Variants in AP2A1 observed in about 807,000 individuals in gnomAD.
AP2A1 encodes adaptor related protein complex 2 subunit alpha 1.
In AP2A1, 21 loss-of-function variants were observed where a neutral mutation model predicts 107.3. That is an observed-to-expected ratio of 0.20 (90% CI 0.14 to 0.28). The LOEUF is 0.28. AP2A1 is among the 10% of genes least tolerant of loss of function. The pLI is 1.00. For synonymous variants in AP2A1, 602 were observed against 564.8 expected (o/e 1.07, Z -0.93); for missense variants, 873 against 1,307.7 (o/e 0.67, Z 5.13).
intron 7 of AP2A1, chr19:49,795,986 A>G: frequency 2.0e-6 from 1 of 510,424 alleles, no homozygotes; most frequent in African/African-American, 1.9e-5. Flanking sequence ...CCGGGCTCTC[A>G]CTCCAGCCCT....
chr19:49,804,646 G>A (rs2073337805), intron 18 of AP2A1: 1 of 152,240 alleles, frequency 6.6e-6, no homozygotes, highest in Admixed American at 6.5e-5. Context: ...TTCCCAGTGG[G>A]CTACTGACAC....
intron 6 of AP2A1, among the ~76,000 whole-genome samples, chr19:49,795,187 G>C (rs755076264): frequency 7.9e-5 from 12 of 152,200 alleles, no homozygotes; most frequent in Non-Finnish European, 1.6e-4. Context: ...CGAGTGAGGA[G>C]GGGGCCCTGG....
intron 4 of AP2A1, among the ~76,000 whole-genome samples, chr19:49,786,028 C>T (rs1217136737): frequency 1.3e-5 from 2 of 151,664 alleles, no homozygotes; most frequent in African/African-American, 4.9e-5. Flanking sequence ...TGCAGTGAGC[C>T]GAGATTGCAC....
intron 1 of AP2A1, among the ~76,000 whole-genome samples, chr19:49,771,226 GGGAGACTGAGGTA>G (rs1315447426): frequency 6.7e-6 from 1 of 150,156 alleles, no homozygotes; most frequent in African/African-American, 2.5e-5. Context: ...CCAGCTACTT[GGGAGACTGAGGTA>G]GGAGGATCAT....
chr19:49,800,911 G>C (rs1222861353), intron 11 of AP2A1, 50 bp from the exon 12 acceptor site: 2 of 1,498,726 alleles, frequency 1.3e-6, no homozygotes, highest in Admixed American at 4.2e-5. Context: ...ACCGATCCCG[G>C]AGAGGGCGCT....
intron 1 of AP2A1, among the ~76,000 whole-genome samples, chr19:49,767,445 A>T (rs2084514333): frequency 6.6e-6 from 1 of 151,064 alleles, no homozygotes; most frequent in African/African-American, 2.4e-5. Context: ...AAAGGGGAGG[A>T]AGCCAGTGAG....
intron 5 of AP2A1, among the ~76,000 whole-genome samples, chr19:49,792,346 C>T (rs1242698284): frequency 6.6e-6 from 1 of 150,382 alleles, no homozygotes; most frequent in Admixed American, 6.6e-5. Context: ...AGCCCTCACG[C>T]CCCCGGATAC....
Position 49,799,982 on chromosome 19 carries a change from C to T in AP2A1, c.1287C>T (p.Ala429=), listed in dbSNP as rs770288996. The change falls in exon 11 of 23, where the codon GCC becomes GCT. Residue 429 remains alanine, a synonymous_variant. Coordinates refer to ENST00000354293, the MANE Select transcript of AP2A1 (RefSeq NM_130787.3). ...AIREEIVLKV[A]ILAEKYAVDY... Reference sequence around the variant, plus strand: ...CCCGGCGGCAGGTCCTGAAGGTGGCCATCCTGGCCGAGAAGTACGCCGTGG... The same window carrying T: ...CCCGGCGGCAGGTCCTGAAGGTGGCTATCCTGGCCGAGAAGTACGCCGTGG... 6 of 1,613,564 alleles carry T rather than the reference C, an allele frequency of 3.7e-6. No homozygotes were observed. In the South Asian group the frequency reaches 5.5e-5, roughly 15 times the overall value.
At position 49,785,804 on chromosome 19, in the gene AP2A1, C is replaced by G. The variant is rs540978507; in HGVS notation, c.473+3080C>G. 6.6e-6 allele frequency among the ~76,000 whole-genome samples: 1 copy of G among 152,154 alleles called. No individual in the cohort carries two copies. The highest frequency in any genetic ancestry group is 2.1e-4 in the South Asian group (1 of 4,820). On this transcript the variant is annotated intron_variant, in intron 4 of 22. Transcript: ENST00000354293. The surrounding 1 kb of genome is among the most constrained non-coding windows in gnomAD (Gnocchi z 4.1). ...TGGTGGCGGGCACCTGTAATCCCAG[C>G]TACTTGGGAGGCTTAGGCAGGAGAA...
chr19:49,790,602 G>C (rs547514185), intron 4 of AP2A1, among the ~76,000 whole-genome samples: 1 of 152,216 alleles, frequency 6.6e-6, no homozygotes, highest in East Asian at 1.9e-4. Context: ...GTCTCACCAT[G>C]TTGCCCAGGC....
intron 1 of AP2A1, among the ~76,000 whole-genome samples, chr19:49,768,810 C>T (rs1461916243): frequency 6.6e-6 from 1 of 152,128 alleles, no homozygotes. Flanking sequence ...TCTTTCAGGA[C>T]GTTTTCTTGT....
chr19:49,783,835 T>TA (rs2084706387), intron 4 of AP2A1, among the ~76,000 whole-genome samples: 1 of 152,204 alleles, frequency 6.6e-6, no homozygotes, highest in Non-Finnish European at 1.5e-5. Context: ...CCTTGGGGAC[T>TA]ATGAGGAAAA....
intron 4 of AP2A1, among the ~76,000 whole-genome samples, chr19:49,787,629 G>A (rs1407217957): frequency 6.6e-6 from 1 of 151,814 alleles, no homozygotes; most frequent in African/African-American, 2.4e-5. Context: ...GATTACAGGC[G>A]TGAGCCTCTG....
chr19:49,772,740 T>G (rs909876964), intron 1 of AP2A1, among the ~76,000 whole-genome samples: 1 of 151,660 alleles, frequency 6.6e-6, no homozygotes, highest in African/African-American at 2.4e-5. Context: ...GACCTCGTGA[T>G]CCGCCCGTCT....
chr19:49,772,060 T>C (rs1384166457), intron 1 of AP2A1, among the ~76,000 whole-genome samples: 1 of 151,952 alleles, frequency 6.6e-6, no homozygotes, highest in East Asian at 1.9e-4. Flanking sequence ...CAAGACCCTG[T>C]CTCTCTTTCT....
In AP2A1 at chr19:49,805,565, C is replaced by G. The variant is rs2073358948; in HGVS notation, c.2457C>G (p.Ser819=). Residue 819 remains serine (S), a synonymous_variant, in exon 19 of 23, where the codon TCC becomes TCG. Coordinates refer to ENST00000354293, the MANE Select transcript of AP2A1 (RefSeq NM_130787.3). Reference sequence around the variant, plus strand: ...ACTTCCTGACGCCCCCGCTGCTGTCCGTGCGCTTCCGGTGAGTCAGGTACG... The same window carrying G: ...ACTTCCTGACGCCCCCGCTGCTGTCGGTGCGCTTCCGGTGAGTCAGGTACG... The part of the protein sequence containing the change: ...LRDFLTPPLL[S]VRFRYGGAPQ... 2 of 1,576,690 alleles carry G rather than the reference C, an allele frequency of 1.3e-6. No homozygotes were observed. Among genetic ancestry groups the G allele is most frequent in the Non-Finnish European group, 1.7e-6 (2 of 1,161,244 alleles).
intron 7 of AP2A1, chr19:49,796,911 GGTGT>G (rs1412801848): frequency 6.6e-6 from 1 of 152,208 alleles, no homozygotes; most frequent in Admixed American, 6.5e-5. Context: ...CTCTGCACAT[GGTGT>G]GTGTGTACAC....
rs1013620749 is a variant in AP2A1, at chr19:49,788,801, T to A, written c.474-3134T>A. Among the ~76,000 whole-genome samples, 11 of 152,162 alleles carry A rather than the reference T, an allele frequency of 7.2e-5. No individual in the cohort carries two copies. The highest frequency in any genetic ancestry group is 2.4e-4 in the African/African-American group (10 of 41,438). ...GGAAAGTGCCGTCACAAATGGAGCA[T>A]CGTCTGTGGCCAGGCTTCTTGCTGG... On this transcript the variant is annotated intron_variant, in intron 4 of 22. Coordinates refer to ENST00000354293, the MANE Select transcript of AP2A1 (RefSeq NM_130787.3). The surrounding 1 kb of genome is among the most constrained non-coding windows in gnomAD (Gnocchi z 4.5).
In AP2A1 at chr19:49,776,067, C is replaced by T. The variant is rs190439538; in HGVS notation, c.68-5690C>T. On this transcript the variant is annotated intron_variant, in intron 1 of 22. Coordinates refer to ENST00000354293, the MANE Select transcript of AP2A1 (RefSeq NM_130787.3). ...GCAAGATGTTGGCCGCCTTCGCACC[C>T]GAACACCCCTCACGGCAACAGCCAC... is the stretch of plus-strand genomic sequence containing the variant. Among the ~76,000 whole-genome samples the T allele has an allele frequency of 1.7e-4, 26 of 152,238 alleles. 1 individual carries two copies. Among genetic ancestry groups the T allele is most frequent in the Admixed American group, 2.6e-4 (4 of 15,298 alleles).
Sources: allele counts gnomAD v4.1 joint callset (sites outside exome capture counted in the v4.1 genomes callset), GRCh38; gene constraint gnomAD v4.1.1; non-coding constraint Gnocchi (gnomAD v3.1); transcripts MANE v1.5; gene names NCBI Gene and HGNC (gene_info 2026-07-23, HGNC 2026-07-21).